Variants in ALK observed in about 807,000 individuals in gnomAD.
ALK encodes the protein ALK receptor tyrosine kinase.
Under a neutral mutation model 163.1 loss-of-function variants are expected in ALK, and 74 were observed. That is an observed-to-expected ratio of 0.45 (90% CI 0.38 to 0.55). The LOEUF is 0.55. Ranked by LOEUF, ALK falls within the 20% of genes least tolerant of loss-of-function variation. The pLI, the probability that ALK is intolerant of heterozygous loss-of-function variation, is 0.00. For synonymous variants in ALK, 960 were observed against 843.2 expected (o/e 1.14, Z -2.40); for missense variants, 2,063 against 2,105.3 (o/e 0.98, Z 0.39).
chr2:29,299,252 C>T (rs966550711), intron 8 of ALK, among the ~76,000 whole-genome samples: 4 of 152,352 alleles, frequency 2.6e-5, no homozygotes, highest in South Asian at 4.1e-4. Flanking sequence ...ATATTTCTAT[C>T]ACATTCTCCT....
chr2:29,916,269 C>T (rs568245746), intron 1 of ALK, among the ~76,000 whole-genome samples: 1 of 152,212 alleles, frequency 6.6e-6, no homozygotes, highest in African/African-American at 2.4e-5. Context: ...CAAGTATGAT[C>T]CAATTACTTC....
chr2:29,242,653 GT>G (rs1664554012), intron 12 of ALK, among the ~76,000 whole-genome samples: 1 of 152,164 alleles, frequency 6.6e-6, no homozygotes, highest in Admixed American at 6.5e-5. Context: ...TTCTGGCTGT[GT>G]GACCTGAGGC....
intron 3 of ALK, among the ~76,000 whole-genome samples, chr2:29,568,698 CGGTTAGCAGAGGT>C (rs962009689): frequency 5.1e-4 from 77 of 152,214 alleles, no homozygotes; most frequent in African/African-American, 1.9e-3. Flanking sequence ...GGTGTGGGTT[CGGTTAGCAGAGGT>C]GGTCAAAGAA....
At chr2:29,273,831 A>T (rs7587230) in intron 11 of ALK, among the ~76,000 whole-genome samples, 135,049 of 152,012 alleles carry the variant, frequency 0.89, 61,341 homozygotes, top group Non-Finnish European at 0.99. Flanking sequence ...AGCCAAGGAG[A>T]GAGTGGAGGT....
At chr2:29,491,951 T>C (rs1003701431) in intron 4 of ALK, among the ~76,000 whole-genome samples, 1 of 152,236 alleles carries the variant, frequency 6.6e-6, no homozygotes, top group Non-Finnish European at 1.5e-5. Flanking sequence ...TTAAAGTGAA[T>C]TGGATGGCTG....
chr2:29,215,100 G>T (rs1400542984), intron 23 of ALK, among the ~76,000 whole-genome samples: 5 of 152,240 alleles, frequency 3.3e-5, no homozygotes, highest in African/African-American at 1.2e-4. Context: ...AAAGGTGTTT[G>T]TTTAAGCTGG....
chr2:29,693,436 C>CAG (rs1553348308), intron 3 of ALK, among the ~76,000 whole-genome samples: 1 of 141,852 alleles, frequency 7.0e-6, no homozygotes, highest in Non-Finnish European at 1.6e-5. Flanking sequence ...CACACACACA[C>CAG]AGACACACAC....
At chr2:29,560,461 C>A (rs766693544) in intron 3 of ALK, among the ~76,000 whole-genome samples, 3 of 152,150 alleles carry the variant, frequency 2.0e-5, no homozygotes, top group African/African-American at 7.2e-5. Flanking sequence ...GAGCCGAAGG[C>A]CTTTTTTTGG....
chr2:29,767,717 G>A (rs533523631), intron 1 of ALK, among the ~76,000 whole-genome samples: 1 of 152,180 alleles, frequency 6.6e-6, no homozygotes, highest in African/African-American at 2.4e-5. Context: ...GTTCTTTATA[G>A]TACACTCCAG....
chr2:29,686,308 G>A (rs1678238921), intron 3 of ALK, among the ~76,000 whole-genome samples: 1 of 152,114 alleles, frequency 6.6e-6, no homozygotes, highest in Non-Finnish European at 1.5e-5. Flanking sequence ...GTTTCTGGAG[G>A]CAATGATCCT....
At chr2:29,449,997 T>C (rs1670781257) in intron 4 of ALK, among the ~76,000 whole-genome samples, 1 of 152,022 alleles carries the variant, frequency 6.6e-6, no homozygotes, top group African/African-American at 2.4e-5. Flanking sequence ...ATTGGAGGAA[T>C]AGGAAGACAA....
chr2:29,671,999 C>G (rs1437533517), intron 3 of ALK, among the ~76,000 whole-genome samples: 2 of 151,254 alleles, frequency 1.3e-5, no homozygotes, highest in Non-Finnish European at 2.9e-5. Context: ...CAAAATTCTA[C>G]TCTCCAAAAG....
At chr2:29,484,202 T>A (rs1439465849) in intron 4 of ALK, among the ~76,000 whole-genome samples, 5 of 152,316 alleles carry the variant, frequency 3.3e-5, no homozygotes, top group South Asian at 2.1e-4. Context: ...TATCATATAC[T>A]ATTATTATAT....
intron 4 of ALK, among the ~76,000 whole-genome samples, chr2:29,489,325 A>C (rs1212339172): frequency 6.6e-6 from 1 of 152,188 alleles, no homozygotes; most frequent in African/African-American, 2.4e-5. Context: ...ATTACTTTAG[A>C]GACAAAGTCT....
At chr2:29,584,285 C>T (rs1269624132) in intron 3 of ALK, among the ~76,000 whole-genome samples, 2 of 152,152 alleles carry the variant, frequency 1.3e-5, no homozygotes, top group African/African-American at 4.8e-5. Context: ...AACGATGTTC[C>T]CCTAATTTTA....
At position 29,742,871 on chromosome 2, in the gene ALK, C is replaced by T. The variant is rs558085465; in HGVS notation, c.668-25174G>A. ...GCCCCTACCAAAATAACAGCTGCAA[C>T]GGCCAGCAATGAATAGGGCCCTTCA... On this transcript the variant is annotated intron_variant, in intron 1 of 28. Coordinates refer to ENST00000389048, the MANE Select transcript of ALK (RefSeq NM_004304.5). Among the ~76,000 whole-genome samples, 19 of 152,344 alleles carry T rather than the reference C, an allele frequency of 1.2e-4. No individual in the cohort carries two copies. In the South Asian group the frequency reaches 1.5e-3, roughly 12 times the overall value.
At chr2:29,836,140 A>T (rs1426384447) in intron 1 of ALK, among the ~76,000 whole-genome samples, 1 of 152,136 alleles carries the variant, frequency 6.6e-6, no homozygotes, top group African/African-American at 2.4e-5. Context: ...GTTCCCAGGG[A>T]GCACTTCTTT....
intron 3 of ALK, among the ~76,000 whole-genome samples, chr2:29,587,930 TTCCC>T (rs551074617): frequency 6.6e-6 from 1 of 152,274 alleles, no homozygotes; most frequent in South Asian, 2.1e-4. Context: ...AAGGCCAACT[TTCCC>T]TGCATCTAAC....
In ALK at chr2:29,655,613, G is replaced by T. The variant is rs545250169; in HGVS notation, c.952+39237C>A. Among the ~76,000 whole-genome samples the T allele has an allele frequency of 4.6e-5, 7 of 152,186 alleles. No individual in the cohort carries two copies. The South Asian group carries it at 1.5e-3, about 32-fold the overall frequency. On this transcript the variant is annotated intron_variant, in intron 3 of 28. Coordinates refer to ENST00000389048, the MANE Select transcript of ALK (RefSeq NM_004304.5). Reference sequence around the variant, plus strand: ...ACAGGGCAAGATGACAGTCCTCTGGGGCTTAGGCCCATGATCTCTGGACTC... The same window carrying T: ...ACAGGGCAAGATGACAGTCCTCTGGTGCTTAGGCCCATGATCTCTGGACTC...
Sources: gnomAD v4.1 joint callset for allele counts (sites outside exome capture counted in the v4.1 genomes callset) on GRCh38, gnomAD v4.1.1 for gene constraint, MANE v1.5 for transcripts, NCBI Gene and HGNC (gene_info 2026-07-23, HGNC 2026-07-21) for gene names.